The following ASZ1 variants were observed in gnomAD, a reference collection of about 807,000 sequenced individuals.
ASZ1 encodes ankyrin repeat, SAM and basic leucine zipper domain-containing protein 1.
ASZ1 carries 67 observed loss-of-function variants against 61.8 expected under a neutral mutation model. That is an observed-to-expected ratio of 1.08 (90% CI 0.89 to 1.33). The LOEUF (loss-of-function observed/expected upper bound fraction) is 1.33. ASZ1 is among the 40% of genes most tolerant of loss of function. The pLI is 0.00. For synonymous variants in ASZ1, 193 were observed against 192.7 expected (o/e 1.00, Z -0.01); for missense variants, 577 against 554.5 (o/e 1.04, Z -0.41).
intron 4 of ASZ1, among the ~76,000 whole-genome samples, chr7:117,404,009 C>G (rs191053379): frequency 6.6e-6 from 1 of 152,184 alleles, no homozygotes; most frequent in Non-Finnish European, 1.5e-5. Context: ...CCCGAAACAT[C>G]CCCCTGCCCC....
At chr7:117,364,381 GTATC>G (rs1277443692) in intron 12 of ASZ1, among the ~76,000 whole-genome samples, 1 of 151,310 alleles carries the variant, frequency 6.6e-6, no homozygotes, top group Non-Finnish European at 1.5e-5. Flanking sequence ...CACTCTGTGT[GTATC>G]TGTGTGTGTG....
intron 4 of ASZ1, among the ~76,000 whole-genome samples, chr7:117,403,496 CCTAA>C (rs1463734718): frequency 2.0e-5 from 3 of 152,126 alleles, no homozygotes; most frequent in African/African-American, 7.2e-5. Context: ...GTTTTGTCAT[CCTAA>C]CTCTCAGTTG....
rs1403771930 is a variant in ASZ1, at chr7:117,367,450, C to A, written c.1177G>T (p.Ala393Ser). 1.3e-6 allele frequency: 2 copies of A among 1,537,670 alleles called. No homozygotes were observed. The highest frequency in any genetic ancestry group is 1.3e-5 in the South Asian group (1 of 77,642). The stretch of plus-strand genomic sequence containing the variant: ...ACTGAAGTAAAATTCTGGGGAGAAG[C>A]CCATTCCAGTGTTATCTGTTAATAT... ...VNSQKITLEW[A>S]SPQNFTSVCE... The change falls in exon 12 of 13, where the codon GCT becomes TCT. Residue 393 changes from alanine (A) to serine (S), a missense_variant. By Grantham distance (99) the Ala-to-Ser change is moderately conservative. Transcript: ENST00000284629.
rs774265682 is a variant in ASZ1, at chr7:117,363,714, A to C, written c.1310T>G (p.Ile437Arg). The C allele has an allele frequency of 1.9e-6, 3 of 1,593,520 alleles. 1 individual carries two copies. The South Asian group carries it at 3.4e-5, about 18-fold the overall frequency. Residue 437 changes from isoleucine to arginine, a missense_variant, in exon 13 of 13, where the codon ATA (isoleucine) becomes AGA (arginine). By Grantham distance (97) the Ile-to-Arg change is moderately conservative. Coordinates refer to ENST00000284629, the MANE Select transcript of ASZ1 (RefSeq NM_130768.3). ...TGTAGATACTTCTTCCCTTAATTGT[A>C]TATGAGTTGGATCATTTTCCCGTTC... The part of the protein sequence containing the change: ...QNERENDPTH[I>R]QLREEVSTWN...
chr7:117,408,528 A>G (rs957123891), intron 4 of ASZ1, among the ~76,000 whole-genome samples: 1 of 152,168 alleles, frequency 6.6e-6, no homozygotes, highest in Non-Finnish European at 1.5e-5. Context: ...GTTGGGTTAT[A>G]AAGAACATCT....
intron 4 of ASZ1, among the ~76,000 whole-genome samples, chr7:117,393,128 T>TA (rs1409895227): frequency 2.6e-5 from 4 of 151,860 alleles, no homozygotes; most frequent in African/African-American, 9.7e-5. Flanking sequence ...ATTACAAGCA[T>TA]AAGCCACTGA....
intron 4 of ASZ1, among the ~76,000 whole-genome samples, chr7:117,418,338 T>C (rs770338922): frequency 6.6e-6 from 1 of 152,176 alleles, no homozygotes; most frequent in African/African-American, 2.4e-5. Flanking sequence ...GATTATACCA[T>C]ATATGACAGG....
chr7:117,408,567 T>C (rs557842275), intron 4 of ASZ1, among the ~76,000 whole-genome samples: 19 of 152,260 alleles, frequency 1.2e-4, no homozygotes, highest in African/African-American at 4.3e-4. Flanking sequence ...TGAAATAATA[T>C]AGAATATGTT....
At chr7:117,425,718 G>A (rs948205741) in intron 2 of ASZ1, among the ~76,000 whole-genome samples, 102 of 152,032 alleles carry the variant, frequency 6.7e-4, no homozygotes, top group African/African-American at 2.3e-3. Flanking sequence ...GGCTGGGGGC[G>A]GTGGCTCTTG....
At chr7:117,367,957 C>T in intron 11 of ASZ1, 1 of 810,750 alleles carries the variant, frequency 1.2e-6, no homozygotes, top group Non-Finnish European at 1.5e-6. Flanking sequence ...TCATGGCTCA[C>T]TGCTGCCTCA....
chr7:117,403,758 C>T (rs548728797), intron 4 of ASZ1, among the ~76,000 whole-genome samples: 1 of 152,192 alleles, frequency 6.6e-6, no homozygotes, highest in East Asian at 1.9e-4. Context: ...GCAGGGGTCC[C>T]CAACCCCCAG....
At chr7:117,371,265 A>G (rs1211897516) in intron 10 of ASZ1, among the ~76,000 whole-genome samples, 1 of 152,182 alleles carries the variant, frequency 6.6e-6, no homozygotes, top group Non-Finnish European at 1.5e-5. Flanking sequence ...AAATAATAGC[A>G]AACTTCTAAG....
chr7:117,416,567 T>A (rs1229374063), intron 4 of ASZ1, among the ~76,000 whole-genome samples: 3 of 151,868 alleles, frequency 2.0e-5, no homozygotes, highest in Non-Finnish European at 2.9e-5. Context: ...ACAGAAAAAA[T>A]TTATAGTGGT....
At chr7:117,369,336 T>A (rs2116446681) in intron 10 of ASZ1, among the ~76,000 whole-genome samples, 1 of 152,238 alleles carries the variant, frequency 6.6e-6, no homozygotes, top group South Asian at 2.1e-4. Context: ...TGAAAAGTAG[T>A]AAGAGAAAAG....
chr7:117,382,437 A>C (rs1796272962), intron 7 of ASZ1, among the ~76,000 whole-genome samples: 2 of 152,102 alleles, frequency 1.3e-5, no homozygotes, highest in South Asian at 4.1e-4. Context: ...ATACACCTGC[A>C]GTCCCAGCTA....
intron 4 of ASZ1, among the ~76,000 whole-genome samples, chr7:117,398,928 C>A (rs1488194475): frequency 5.9e-5 from 9 of 152,164 alleles, no homozygotes; most frequent in Non-Finnish European, 1.3e-4. Flanking sequence ...TCCTACTTAT[C>A]CTTCAAAACT....
intron 4 of ASZ1, among the ~76,000 whole-genome samples, chr7:117,390,380 G>A (rs1796441645): frequency 1.3e-5 from 2 of 152,104 alleles, no homozygotes; most frequent in African/African-American, 4.8e-5. Flanking sequence ...TGTTGTCCAG[G>A]CTGGTCTCAA....
At chr7:117,394,538 T>C (rs945749024) in intron 4 of ASZ1, among the ~76,000 whole-genome samples, 1 of 152,222 alleles carries the variant, frequency 6.6e-6, no homozygotes, top group African/African-American at 2.4e-5. Flanking sequence ...TCTATTTGTA[T>C]ATAAATCTTT....
In ASZ1 at chr7:117,381,064, T is replaced by C. The variant is rs932983755; in HGVS notation, c.892A>G (p.Arg298Gly). ...LEHMTDLLKE[R>G]DITLRHLLTM... is the part of the protein sequence containing the mutation. ...AAAAGATGTCTTAACGTTATATCCC[T>C]TTCCTGTATAAAAGGAAAAAAAGGC... Residue 298 changes from arginine (R) to glycine (G), a missense_variant, in exon 9 of 13, where the codon AGG (arginine) becomes GGG (glycine). Physicochemically the swap from Arg to Gly is moderately radical, Grantham distance 125 (BLOSUM62 -2). Coordinates refer to ENST00000284629, the MANE Select transcript of ASZ1 (RefSeq NM_130768.3). 8.2e-6 allele frequency: 13 copies of C among 1,583,130 alleles called. No individual in the cohort carries two copies. Among genetic ancestry groups the C allele is most frequent in the Non-Finnish European group, 1.0e-5 (12 of 1,164,406 alleles).
Sources: allele counts gnomAD v4.1 joint callset (sites outside exome capture counted in the v4.1 genomes callset), GRCh38; gene constraint gnomAD v4.1.1; transcripts MANE v1.5; gene names NCBI Gene and HGNC (gene_info 2026-07-23, HGNC 2026-07-21).